Variants in GALNTL5 observed in about 807,000 individuals in gnomAD.
GALNTL5 encodes polypeptide N-acetylgalactosaminyltransferase like 5.
Under a neutral mutation model 51.0 loss-of-function variants are expected in GALNTL5, and 44 were observed. The observed-to-expected ratio is 0.86, with a 90% CI of 0.68 to 1.11. The LOEUF is 1.11. GALNTL5 is among the 50% of genes least tolerant of loss of function. The pLI is 0.00. For missense variants in GALNTL5, 528 were observed against 531.8 expected (o/e 0.99, Z 0.07); for synonymous variants, 192 against 182.8 (o/e 1.05, Z -0.41).
At chr7:151,969,205 A>G (rs542824985) in intron 2 of GALNTL5, among the ~76,000 whole-genome samples, 12 of 152,208 alleles carry the variant, frequency 7.9e-5, no homozygotes, top group Admixed American at 4.6e-4. Flanking sequence ...ATTTTCTTGT[A>G]TGATTTATGG....
At chr7:152,016,769 T>G (rs2081820219) in intron 8 of GALNTL5, among the ~76,000 whole-genome samples, 1 of 152,012 alleles carries the variant, frequency 6.6e-6, no homozygotes, top group Non-Finnish European at 1.5e-5. Flanking sequence ...GCATGGTGGC[T>G]CACACTTGTA....
chr7:151,989,884 C>A (rs1424615970), intron 5 of GALNTL5, among the ~76,000 whole-genome samples: 6 of 152,174 alleles, frequency 3.9e-5, no homozygotes, highest in Non-Finnish European at 5.9e-5. Context: ...TGTTCATATT[C>A]TTTGCCAATG....
In GALNTL5 at chr7:152,014,722, CCTT is replaced by C; in HGVS notation, c.1108_1110del (p.Ser370del). 1 of 1,613,962 alleles carries C rather than the reference CCTT, an allele frequency of 6.2e-7. No individual in the cohort carries two copies. ...TATCAGTAAGAAACAAACTGGAAAA[CCTT>C]CTACAATCATCAGTGCTATGACACA... On this transcript the variant is annotated inframe_deletion, in exon 8 of 9. Coordinates refer to ENST00000392800, the MANE Select transcript of GALNTL5 (RefSeq NM_145292.4).
chr7:151,998,938 A>G (rs1049093979), intron 5 of GALNTL5, among the ~76,000 whole-genome samples: 4 of 152,228 alleles, frequency 2.6e-5, no homozygotes, highest in Admixed American at 6.5e-5. Flanking sequence ...ATCATTTAAA[A>G]ATGAACAATT....
chr7:151,981,262 G>C (rs139183499), intron 3 of GALNTL5, among the ~76,000 whole-genome samples: 1 of 152,158 alleles, frequency 6.6e-6, no homozygotes, highest in Non-Finnish European at 1.5e-5. Context: ...CAGGTGCAGA[G>C]GAAGAATCAT....
intron 7 of GALNTL5, among the ~76,000 whole-genome samples, chr7:152,008,255 T>C (rs2081678247): frequency 7.8e-6 from 1 of 127,836 alleles, no homozygotes; most frequent in South Asian, 2.6e-4. Context: ...TCTCTACTTT[T>C]TTTTTTTATG....
At chr7:151,992,441 C>G (rs1423517563) in intron 5 of GALNTL5, among the ~76,000 whole-genome samples, 1 of 152,156 alleles carries the variant, frequency 6.6e-6, no homozygotes, top group African/African-American at 2.4e-5. Context: ...CTGAGACCTG[C>G]AGGGGAGGCT....
chr7:151,962,379 T>A lies in GALNTL5; in HGVS notation c.-39-4829T>A, dbSNP rs187287592. On this transcript the variant is annotated intron_variant, in intron 1 of 8. Transcript: ENST00000392800. The stretch of plus-strand genomic sequence containing the variant: ...ATACATCAACTTCATTTTTATTACA[T>A]GACCTCCATTTCTTCTAGTTTATTT... Among the ~76,000 whole-genome samples the A allele has an allele frequency of 1.7e-3, 258 of 151,926 alleles. 3 individuals are homozygous for A. The highest frequency in any genetic ancestry group is 5.8e-3 in the African/African-American group (242 of 41,488).
At chr7:151,980,785 G>T (rs895424253) in intron 3 of GALNTL5, among the ~76,000 whole-genome samples, 2 of 107,964 alleles carry the variant, frequency 1.9e-5, no homozygotes, top group African/African-American at 7.9e-5. Context: ...TCGCTCTGTC[G>T]CCCAGGCTGG....
intron 3 of GALNTL5, among the ~76,000 whole-genome samples, 192 bp downstream of exon 3, chr7:151,971,257 T>C (rs888732177): frequency 6.6e-6 from 1 of 152,162 alleles, no homozygotes; most frequent in Non-Finnish European, 1.5e-5. Flanking sequence ...CTAATGCTTA[T>C]AGTGTAGAGA....
At chr7:151,968,921 T>C (rs1013686721) in intron 2 of GALNTL5, among the ~76,000 whole-genome samples, 5 of 152,182 alleles carry the variant, frequency 3.3e-5, no homozygotes, top group African/African-American at 1.2e-4. Flanking sequence ...TCATATACTG[T>C]CTTTTGTAGA....
At chr7:151,967,176 A>G in intron 1 of GALNTL5, 32 bp from the exon 2 acceptor site, 6 of 1,396,790 alleles carry the variant, frequency 4.3e-6, no homozygotes, top group South Asian at 1.2e-5. Context: ...TGGAATATCT[A>G]ATGCTGCTCC....
chr7:151,958,484 T>TCC (rs2080952621), intron 1 of GALNTL5, among the ~76,000 whole-genome samples: 1 of 152,180 alleles, frequency 6.6e-6, no homozygotes, highest in Admixed American at 6.5e-5. Context: ...GCTCTCTGTC[T>TCC]CCTTCCTGCC....
intron 5 of GALNTL5, among the ~76,000 whole-genome samples, chr7:152,000,379 C>T (rs1256887511): frequency 2.0e-5 from 3 of 152,214 alleles, no homozygotes; most frequent in African/African-American, 4.8e-5. Flanking sequence ...TTTGTGGGAA[C>T]TGCTGACCAG....
rs80346994 is a variant in GALNTL5 at position 152,002,991 on chromosome 7, T to C, written c.908+28T>C. On this transcript the variant is annotated intron_variant, in intron 6 of 8. Transcript: ENST00000392800. ...GAGATTTCTTCTGGTTTTGGAAAAA[T>C]ATAGCATACGTGTATTGAGACCCAG... 0.012 allele frequency: 18,491 copies of C among 1,605,420 alleles called. 1,061 individuals carry two copies. In the African/African-American group the frequency reaches 0.16, roughly 14 times the overall value.
intron 7 of GALNTL5, among the ~76,000 whole-genome samples, chr7:152,014,211 T>C (rs2081775895): frequency 6.6e-6 from 1 of 152,240 alleles, no homozygotes; most frequent in Non-Finnish European, 1.5e-5. Context: ...ATCTGAATTA[T>C]AAGGCTGTTG....
chr7:151,980,006 G>A (rs575974819), intron 3 of GALNTL5, among the ~76,000 whole-genome samples: 1 of 152,118 alleles, frequency 6.6e-6, no homozygotes, highest in Non-Finnish European at 1.5e-5. Flanking sequence ...CTTATTCATG[G>A]TATTGGCCTT....
Position 152,007,951 on chromosome 7 carries a change from C to G in GALNTL5, c.1026+7C>G. 7.2e-7 allele frequency: 1 copy of G among 1,393,246 alleles called. No individual in the cohort carries two copies. Among genetic ancestry groups the G allele is most frequent in the East Asian group, 2.3e-5 (1 of 43,850 alleles). The allele number at this position is 1,393,246 out of a possible 1,614,324, so 86.3% of individuals were successfully genotyped here. ...TTTGGAACTTTCACTAAGGGTAATT[C>G]AGATTTCATTTTTAAAATAGCTATA... On this transcript the variant is annotated splice_region_variant and intron_variant, in intron 7 of 8. Transcript: ENST00000392800.
intron 2 of GALNTL5, chr7:151,970,603 A>G: frequency 4.6e-6 from 1 of 218,250 alleles, no homozygotes; most frequent in Non-Finnish European, 9.1e-6. Flanking sequence ...CTCTCTCACC[A>G]CGTGACCTGC....
Sources: allele counts gnomAD v4.1 joint callset (sites outside exome capture counted in the v4.1 genomes callset), GRCh38; gene constraint gnomAD v4.1.1; transcripts MANE v1.5; gene names NCBI Gene and HGNC (gene_info 2026-07-23, HGNC 2026-07-21).